The following DPYSL5 variants were observed in gnomAD, a reference collection of about 807,000 sequenced individuals.
The protein encoded by DPYSL5 is dihydropyrimidinase like 5, also known as dihydropyrimidinase-related protein 5.
DPYSL5 carries 9 observed loss-of-function variants against 58.4 expected under a neutral mutation model. The ratio of observed to expected loss-of-function variants is 0.15; its 90% CI spans 0.09 to 0.27. The LOEUF (loss-of-function observed/expected upper bound fraction) is 0.27. Ranked by LOEUF, DPYSL5 falls within the 10% of genes least tolerant of loss-of-function variation. The pLI is 1.00. For missense variants in DPYSL5, 499 were observed against 770.6 expected (o/e 0.65, Z 4.17); for synonymous variants, 293 against 301.9 (o/e 0.97, Z 0.31).
chr2:26,882,467 A>G (rs1054719824), intron 1 of DPYSL5, among the ~76,000 whole-genome samples: 2 of 150,474 alleles, frequency 1.3e-5, no homozygotes, highest in African/African-American at 4.9e-5. Context: ...ATGTGTGTGT[A>G]GACAGGGTGT....
chr2:26,890,526 C>A (rs536640695), intron 1 of DPYSL5, among the ~76,000 whole-genome samples: 2 of 152,294 alleles, frequency 1.3e-5, no homozygotes, highest in South Asian at 4.1e-4. Flanking sequence ...CAGCAGCCCA[C>A]GTGGAAAGCT....
chr2:26,878,415 C>G (rs970592812), intron 1 of DPYSL5, among the ~76,000 whole-genome samples: 3 of 152,056 alleles, frequency 2.0e-5, no homozygotes, highest in Non-Finnish European at 2.9e-5. Context: ...ATGATACACA[C>G]CTGTCATACC....
At chr2:26,852,472 T>C (rs534768546) in intron 1 of DPYSL5, among the ~76,000 whole-genome samples, 2 of 152,326 alleles carry the variant, frequency 1.3e-5, no homozygotes, top group East Asian at 3.9e-4. Flanking sequence ...TGGTGTATGA[T>C]TTGTTCTACT....
intron 2 of DPYSL5, among the ~76,000 whole-genome samples, chr2:26,907,544 C>A (rs1458692574): frequency 6.6e-6 from 1 of 152,100 alleles, no homozygotes; most frequent in Admixed American, 6.6e-5. Flanking sequence ...TATGGATCTT[C>A]CCCCTGGGCA....
rs1431924258 is a variant in DPYSL5, at chr2:26,899,992, T to C, written c.261+1232T>C. 2.6e-5 allele frequency among the ~76,000 whole-genome samples: 4 copies of C among 152,332 alleles called. No individual in the cohort carries two copies. The East Asian group carries it at 7.7e-4, about 29-fold the overall frequency. ...GGTGACAGTCGGGACCTTTCTCAAG[T>C]GAGTGAGCATATCCAGCTCACCATC... On this transcript the variant is annotated intron_variant, in intron 2 of 12. Transcript: ENST00000288699.
chr2:26,864,911 G>C (rs1380094715), intron 1 of DPYSL5, among the ~76,000 whole-genome samples: 1 of 152,146 alleles, frequency 6.6e-6, no homozygotes, highest in African/African-American at 2.4e-5. Context: ...GTCCAAGGCT[G>C]CTGGTCTAAA....
intron 1 of DPYSL5, among the ~76,000 whole-genome samples, chr2:26,890,141 C>T (rs947815959): frequency 6.6e-6 from 1 of 152,266 alleles, no homozygotes; most frequent in African/African-American, 2.4e-5. Flanking sequence ...GAAAGATACC[C>T]AGTTTAGACC....
At chr2:26,888,396 G>C (rs1252631858) in intron 1 of DPYSL5, among the ~76,000 whole-genome samples, 1 of 152,026 alleles carries the variant, frequency 6.6e-6, no homozygotes, top group Admixed American at 6.6e-5. Context: ...TCAGCCTCCC[G>C]AGTAGCTGGG....
chr2:26,906,188 T>G (rs1183122655), intron 2 of DPYSL5, among the ~76,000 whole-genome samples: 3 of 146,984 alleles, frequency 2.0e-5, no homozygotes, highest in African/African-American at 7.5e-5. Flanking sequence ...ACCCATATCT[T>G]TTTTTTTTTT....
At chr2:26,920,343 A>G (rs1468750780) in intron 2 of DPYSL5, among the ~76,000 whole-genome samples, 2 of 152,246 alleles carry the variant, frequency 1.3e-5, no homozygotes, top group Admixed American at 6.5e-5. Flanking sequence ...AAGAATGGCT[A>G]AAATTTTAAA....
intron 2 of DPYSL5, among the ~76,000 whole-genome samples, chr2:26,918,343 T>C (rs1203279082): frequency 6.6e-6 from 1 of 152,056 alleles, no homozygotes; most frequent in African/African-American, 2.4e-5. Context: ...GCTTGGACCC[T>C]TTTTGGGGGT....
In DPYSL5 at chr2:26,876,431, T is replaced by C. The variant is rs190384334; in HGVS notation, c.-4-22065T>C. 1.5e-3 allele frequency among the ~76,000 whole-genome samples: 222 copies of C among 152,202 alleles called. 1 individual carries two copies. Among genetic ancestry groups the C allele is most frequent in the African/African-American group, 4.8e-3 (201 of 41,532 alleles). On this transcript the variant is annotated intron_variant, in intron 1 of 12. Transcript: ENST00000288699. ...AGAGCATGATAAGCTTGGTTTTAGA[T>C]GGGATGGGTTAGAAGGGCCAGCAAG... is the stretch of plus-strand genomic sequence containing the variant.
At chr2:26,884,520 TCACACACACACACACA>T (rs3070961) in intron 1 of DPYSL5, among the ~76,000 whole-genome samples, 3 of 145,530 alleles carry the variant, frequency 2.1e-5, no homozygotes, top group African/African-American at 7.6e-5. Context: ...TTGTCCTATC[TCACACACACACACACA>T]CACACACACA....
chr2:26,928,503 T>C (rs1364371774), intron 5 of DPYSL5, among the ~76,000 whole-genome samples, 180 bp downstream of exon 5: 2 of 151,246 alleles, frequency 1.3e-5, no homozygotes, highest in Non-Finnish European at 2.9e-5. Context: ...AAGACCAGCC[T>C]GGGCAACATG....
chr2:26,864,691 G>A (rs1354895594), intron 1 of DPYSL5, among the ~76,000 whole-genome samples: 1 of 152,226 alleles, frequency 6.6e-6, no homozygotes, highest in Non-Finnish European at 1.5e-5. Context: ...GGAAGAAGAC[G>A]CTAGGCAGAG....
chr2:26,856,956 C>CATATATAATATATGTAATAAATAT (rs1558319139), intron 1 of DPYSL5, among the ~76,000 whole-genome samples: 5 of 143,632 alleles, frequency 3.5e-5, no homozygotes, highest in African/African-American at 1.4e-4. Context: ...ATATATTATA[C>CATATATAATATATGTAATAAATAT]TAGTTTTCAA....
chr2:26,884,988 C>G (rs981445631), intron 1 of DPYSL5, among the ~76,000 whole-genome samples: 10 of 152,058 alleles, frequency 6.6e-5, no homozygotes, highest in African/African-American at 2.2e-4. Context: ...CACCTGAAGT[C>G]AGGAGTTAAG....
Position 26,944,240 on chromosome 2 carries a change from G to A in DPYSL5, c.1441-416G>A, listed in dbSNP as rs1370960701. Reference sequence around the variant, plus strand: ...GCGGAGGTTGCAGTGAGCCAAGATCGCACCACTGCACTCCAGCATGGGCGA... The same window carrying A: ...GCGGAGGTTGCAGTGAGCCAAGATCACACCACTGCACTCCAGCATGGGCGA... On this transcript the variant is annotated intron_variant, in intron 11 of 12. Transcript: ENST00000288699. This position sits in a 1 kb window ranked among gnomAD's most constrained non-coding sequence, Gnocchi z 4.4. Among the ~76,000 whole-genome samples, 1 of 152,082 alleles carries A rather than the reference G, an allele frequency of 6.6e-6. No homozygotes were observed. The highest frequency in any genetic ancestry group is 1.5e-5 in the Non-Finnish European group (1 of 68,020).
At chr2:26,887,534 C>T (rs183578544) in intron 1 of DPYSL5, among the ~76,000 whole-genome samples, 1 of 152,196 alleles carries the variant, frequency 6.6e-6, no homozygotes, top group African/African-American at 2.4e-5. Context: ...AAACTGTGTA[C>T]CTTATAGGAG....
Sources: gnomAD v4.1 joint callset for allele counts (sites outside exome capture counted in the v4.1 genomes callset) on GRCh38, gnomAD v4.1.1 for gene constraint, Gnocchi (gnomAD v3.1) non-coding constraint, MANE v1.5 for transcripts, NCBI Gene and HGNC (gene_info 2026-07-23, HGNC 2026-07-21) for gene names.